Variants in CPE observed in about 807,000 individuals in gnomAD.
CPE encodes the protein carboxypeptidase E.
CPE carries 17 observed loss-of-function variants against 53.5 expected under a neutral mutation model. The ratio of observed to expected loss-of-function variants is 0.32; its 90% CI spans 0.22 to 0.48. The LOEUF (loss-of-function observed/expected upper bound fraction) is 0.48. CPE is among the 20% of genes least tolerant of loss of function. The pLI is 0.99. For synonymous variants in CPE, 226 were observed against 228.8 expected, an observed-to-expected ratio of 0.99 and a Z score of 0.11; for missense variants, 524 against 614.7, an observed-to-expected ratio of 0.85 and a Z score of 1.56.
chr4:165,442,929 AC>A (rs1281612989), intron 1 of CPE, among the ~76,000 whole-genome samples: 2 of 152,114 alleles, frequency 1.3e-5, no homozygotes, highest in African/African-American at 4.8e-5. Context: ...AGAATTCAGA[AC>A]CCATGATCTA....
chr4:165,424,979 A>G (rs1731294528), intron 1 of CPE, among the ~76,000 whole-genome samples: 1 of 149,894 alleles, frequency 6.7e-6, no homozygotes, highest in Admixed American at 6.7e-5. Flanking sequence ...GGTTCAAATG[A>G]TTCTCCCGCC....
chr4:165,494,434 A>C (rs1732667866), intron 7 of CPE, among the ~76,000 whole-genome samples: 1 of 152,202 alleles, frequency 6.6e-6, no homozygotes, highest in South Asian at 2.1e-4. Flanking sequence ...CCAGCAATAG[A>C]ACTGACGGTA....
chr4:165,494,410 A>G (rs1732667453), intron 7 of CPE, among the ~76,000 whole-genome samples: 1 of 152,230 alleles, frequency 6.6e-6, no homozygotes, highest in Non-Finnish European at 1.5e-5. Flanking sequence ...GGACAAGGTG[A>G]TAATAAGAAG....
intron 3 of CPE, among the ~76,000 whole-genome samples, chr4:165,478,241 A>C (rs974526493): frequency 6.6e-6 from 1 of 152,216 alleles, no homozygotes; most frequent in Admixed American, 6.5e-5. Context: ...GTTTCTATTA[A>C]AGGCTCAATT....
intron 3 of CPE, among the ~76,000 whole-genome samples, chr4:165,474,508 T>G (rs932077282): frequency 4.6e-5 from 7 of 152,308 alleles, no homozygotes; most frequent in Admixed American, 1.3e-4. Flanking sequence ...TTTCCTGTTA[T>G]CCTAGATAAG....
At chr4:165,463,008 G>A (rs559983108) in intron 1 of CPE, among the ~76,000 whole-genome samples, 1 of 152,262 alleles carries the variant, frequency 6.6e-6, no homozygotes, top group South Asian at 2.1e-4. Context: ...CAGAAATTGG[G>A]CCCGTGGGAT....
At chr4:165,405,736 C>A in intron 1 of CPE, 1 of 894,352 alleles carries the variant, frequency 1.1e-6, no homozygotes, top group Non-Finnish European at 1.9e-6. Context: ...TTTCTTTGCC[C>A]TGTCTGCACG....
At chr4:165,478,842 AG>A (rs1024354532) in intron 3 of CPE, among the ~76,000 whole-genome samples, 5 of 152,160 alleles carry the variant, frequency 3.3e-5, no homozygotes, top group Non-Finnish European at 5.9e-5. Context: ...TACCCCCGAC[AG>A]ATGGGCCATG....
rs750495991 is a variant in CPE, at chr4:165,497,557, A to G, written c.1378A>G (p.Lys460Glu). ...ATTTTCTGAAAGGAAAGAAGAGGAGAAGGAAGAATTGATGGAATGGTGGAA... is the reference window on the plus strand; with the variant it reads ...ATTTTCTGAAAGGAAAGAAGAGGAGGAGGAAGAATTGATGGAATGGTGGAA... ...ESFSERKEEE[K>E]EELMEWWKMM... Residue 460 changes from lysine (K) to glutamate (E), a missense_variant, in exon 9 of 9, where the codon AAG (lysine) becomes GAG (glutamate). Physicochemically the swap from Lys to Glu is moderately conservative, Grantham distance 56 (BLOSUM62 1). Transcript: ENST00000402744. The G allele has an allele frequency of 6.3e-7, 1 of 1,584,772 alleles. No individual in the cohort carries two copies. Among genetic ancestry groups the G allele is most frequent in the Admixed American group, 1.8e-5 (1 of 54,560 alleles).
intron 1 of CPE, among the ~76,000 whole-genome samples, chr4:165,403,506 C>T (rs1197372773): frequency 4.0e-5 from 6 of 151,852 alleles, no homozygotes; most frequent in Non-Finnish European, 5.9e-5. Context: ...TCATTGGGGC[C>T]CCAGCTCTAA....
chr4:165,434,695 G>A (rs1182213646), intron 1 of CPE, among the ~76,000 whole-genome samples: 1 of 152,184 alleles, frequency 6.6e-6, no homozygotes, highest in Non-Finnish European at 1.5e-5. Flanking sequence ...GAAGCTGCCA[G>A]TGTGAAGGGT....
At chr4:165,443,455 T>C (rs1731650030) in intron 1 of CPE, among the ~76,000 whole-genome samples, 2 of 152,198 alleles carry the variant, frequency 1.3e-5, no homozygotes, top group Admixed American at 1.3e-4. Flanking sequence ...ACCACAAACA[T>C]TTATTTTTTC....
At chr4:165,426,669 G>A (rs191603583) in intron 1 of CPE, among the ~76,000 whole-genome samples, 6 of 152,076 alleles carry the variant, frequency 3.9e-5, no homozygotes, top group Non-Finnish European at 7.4e-5. Flanking sequence ...GCTATTTCTG[G>A]ATTAAAGAAA....
rs141075309 is a variant in CPE at position 165,495,654 on chromosome 4, G to A, written c.1309G>A (p.Val437Ile). ...TCTGGCAATAACAAAGAAAGTGGCAGTTCCTTACAGCCCTGCTGCTGGGGT... is the reference window on the plus strand; with the variant it reads ...TCTGGCAATAACAAAGAAAGTGGCAATTCCTTACAGCCCTGCTGCTGGGGT... The part of the protein sequence containing the change: ...GYLAITKKVA[V>I]PYSPAAGVDF... The change falls in exon 8 of 9, where the codon GTT becomes ATT. Residue 437 changes from valine to isoleucine, a missense_variant. Physicochemically the swap from Val to Ile is conservative, Grantham distance 29. Transcript: ENST00000402744. 1,323 of 1,612,870 alleles carry A rather than the reference G, an allele frequency of 8.2e-4. No homozygotes were observed. Among genetic ancestry groups the A allele is most frequent in the Non-Finnish European group, 1.0e-3 (1,223 of 1,179,274 alleles).
intron 1 of CPE, among the ~76,000 whole-genome samples, chr4:165,389,196 G>A (rs1222509270): frequency 2.0e-5 from 3 of 152,116 alleles, no homozygotes; most frequent in African/African-American, 7.2e-5. Flanking sequence ...ACTGAAATAC[G>A]ATCTAGACAT....
At chr4:165,456,582 G>C (rs1239406992) in intron 1 of CPE, among the ~76,000 whole-genome samples, 1 of 145,336 alleles carries the variant, frequency 6.9e-6, no homozygotes, top group Non-Finnish European at 1.5e-5. Flanking sequence ...CTCTTTCTTT[G>C]TTTCGACGGA....
chr4:165,396,756 G>A (rs1354162871), intron 1 of CPE, among the ~76,000 whole-genome samples: 2 of 150,908 alleles, frequency 1.3e-5, no homozygotes, highest in East Asian at 3.9e-4. Context: ...AAGGCTGAGT[G>A]TGGTGGCTCA....
At chr4:165,492,608 A>G (rs1321386650) in intron 6 of CPE, among the ~76,000 whole-genome samples, 7 of 152,174 alleles carry the variant, frequency 4.6e-5, no homozygotes, top group African/African-American at 1.7e-4. Flanking sequence ...GGGGGACCGC[A>G]TGAGAGGGTC....
intron 1 of CPE, among the ~76,000 whole-genome samples, chr4:165,409,790 G>A (rs559701027): frequency 1.4e-4 from 22 of 152,222 alleles, no homozygotes; most frequent in African/African-American, 5.3e-4. Flanking sequence ...TCATTCAGGA[G>A]GACCCTTCAT....
Sources: gnomAD v4.1 joint callset for allele counts (sites outside exome capture counted in the v4.1 genomes callset) on GRCh38, gnomAD v4.1.1 for gene constraint, MANE v1.5 for transcripts, NCBI Gene and HGNC (gene_info 2026-07-23, HGNC 2026-07-21) for gene names.